Variants in ZNF565 observed in about 807,000 individuals in gnomAD.
ZNF565 encodes the protein zinc finger protein 565.
ZNF565 carries 27 observed loss-of-function variants against 39.4 expected under a neutral mutation model. The ratio of observed to expected loss-of-function variants is 0.69; its 90% CI spans 0.51 to 0.95. ZNF565 has a LOEUF of 0.95. Ranked by LOEUF, ZNF565 falls within the 40% of genes least tolerant of loss-of-function variation. The pLI, the probability that ZNF565 is intolerant of heterozygous loss-of-function variation, is 0.00. For missense variants in ZNF565, 524 were observed against 621.1 expected, an observed-to-expected ratio of 0.84 and a Z score of 1.66; for synonymous variants, 185 against 216.6, an observed-to-expected ratio of 0.85 and a Z score of 1.28.
chr19:36,182,533 C>G lies in ZNF565; in HGVS notation c.1433G>C (p.Arg478Thr). The change falls in exon 5 of 5, where the codon AGA becomes ACA. Residue 478 changes from arginine to threonine, a missense_variant. Physicochemically the swap from Arg to Thr is moderately conservative, Grantham distance 71. Transcript: ENST00000304116. ...AAGAATAAATGCCTGCCCACACTCT[C>G]TACATTCGTAAGGTTTGATACCAGG... ...IHPGIKPYEC[R>T]ECGQAFILGS... The G allele has an allele frequency of 6.2e-7, 1 of 1,610,294 alleles. No homozygotes were observed. The highest frequency in any genetic ancestry group is 8.5e-7 in the Non-Finnish European group (1 of 1,178,058).
Position 36,183,679 on chromosome 19 carries a change from G to A in ZNF565, c.287C>T (p.Ala96Val). The change falls in exon 5 of 5, where the codon GCA (alanine) becomes GTA (valine). Residue 96 changes from alanine (A) to valine (V), a missense_variant. Coordinates refer to ENST00000304116, the MANE Select transcript of ZNF565 (RefSeq NM_152477.5). ...GCTTTCCATTATCTCCCAGTTGAAT[G>A]CCCCGATTTCAAAAATGTCTTTTTG... The part of the protein sequence containing the change: ...FLQKDIFEIG[A>V]FNWEIMESLK... 3 of 1,613,020 alleles carry A rather than the reference G, an allele frequency of 1.9e-6. No individual in the cohort carries two copies. Among genetic ancestry groups the A allele is most frequent in the Non-Finnish European group, 2.5e-6 (3 of 1,179,460 alleles).
At chr19:36,235,274 C>A (rs1977604632) in intron 1 of ZNF565, among the ~76,000 whole-genome samples, 1 of 151,206 alleles carries the variant, frequency 6.6e-6, no homozygotes, top group Admixed American at 6.6e-5. Flanking sequence ...GGTAGACTTT[C>A]TAATTTTCAT....
chr19:36,243,710 T>A (rs1977835547), intron 1 of ZNF565, among the ~76,000 whole-genome samples: 1 of 152,030 alleles, frequency 6.6e-6, no homozygotes, highest in Non-Finnish European at 1.5e-5. Context: ...GGGTTCTTTT[T>A]TTTAATTGAG....
intron 1 of ZNF565, among the ~76,000 whole-genome samples, chr19:36,232,609 C>CTTTTTTTTTTTTTTT (rs548903056): frequency 7.1e-6 from 1 of 140,068 alleles, no homozygotes; most frequent in Non-Finnish European, 1.5e-5. Context: ...TTTCTTTTTT[C>CTTTTTTTTTTTTTTT]TTTTTTTTTT....
chr19:36,245,791 C>T lies in ZNF565; in HGVS notation c.-261G>A, dbSNP rs1219612726. On this transcript the variant is annotated 5_prime_UTR_variant, in exon 1 of 5. Transcript: ENST00000355114. This position sits in a 1 kb window ranked among gnomAD's most constrained non-coding sequence, Gnocchi z 4.4. ...TTCTTGGAGGGCTCGGTGCCGGAGGCTACTCTTGAGTCCCGGTTCCTTCGC... is the reference window on the plus strand; with the variant it reads ...TTCTTGGAGGGCTCGGTGCCGGAGGTTACTCTTGAGTCCCGGTTCCTTCGC... The T allele has an allele frequency of 1.0e-5, 5 of 479,964 alleles. No individual in the cohort carries two copies. The Admixed American group carries it at 1.9e-4, about 18-fold the overall frequency. 29.7% of individuals were successfully genotyped at this position (479,964 alleles called of 1,614,324 possible).
chr19:36,240,458 G>A (rs1002387477), intron 1 of ZNF565, among the ~76,000 whole-genome samples: 2 of 152,200 alleles, frequency 1.3e-5, no homozygotes, highest in African/African-American at 2.4e-5. Flanking sequence ...GATGGAGACA[G>A]ATCAGTGGGA....
At chr19:36,188,095 G>A (rs1481304902) in intron 4 of ZNF565, among the ~76,000 whole-genome samples, 1 of 151,018 alleles carries the variant, frequency 6.6e-6, no homozygotes, top group Non-Finnish European at 1.5e-5. Flanking sequence ...AGTGGCTCAC[G>A]CCTGTAATCC....
intron 4 of ZNF565, among the ~76,000 whole-genome samples, chr19:36,189,218 G>A (rs1184778131): frequency 1.3e-5 from 2 of 152,062 alleles, no homozygotes; most frequent in African/African-American, 4.8e-5. Flanking sequence ...GAAACTGGGA[G>A]GCAGAGGTTG....
At chr19:36,195,307 C>CTTGTTAA in intron 2 of ZNF565, 151 bp from the exon 3 acceptor site, 2 of 889,276 alleles carry the variant, frequency 2.2e-6, no homozygotes, top group Non-Finnish European at 3.4e-6. Flanking sequence ...CAAGGTGTAC[C>CTTGTTAA]CTGTTTTATC....
At chr19:36,212,336 G>A (rs963851113) in intron 1 of ZNF565, among the ~76,000 whole-genome samples, 3 of 152,192 alleles carry the variant, frequency 2.0e-5, no homozygotes, top group African/African-American at 7.2e-5. Flanking sequence ...ATGGAGACCA[G>A]ACATGGTGGT....
upstream of ZNF565, among the ~76,000 whole-genome samples, chr19:36,215,615 A>G (rs1976568386): frequency 6.6e-6 from 1 of 152,166 alleles, no homozygotes; most frequent in South Asian, 2.1e-4. Context: ...GTTTTTATAT[A>G]AAAGCATTTC....
intron 1 of ZNF565, chr19:36,237,314 C>CA: frequency 6.3e-7 from 1 of 1,595,702 alleles, no homozygotes; most frequent in Non-Finnish European, 8.5e-7. Flanking sequence ...AATTCATACT[C>CA]ACTAAAAACC....
intron 1 of ZNF565, among the ~76,000 whole-genome samples, chr19:36,206,744 A>G (rs1056123680): frequency 3.3e-5 from 5 of 152,050 alleles, no homozygotes; most frequent in African/African-American, 4.8e-5. Context: ...AGGTGAGAGA[A>G]TCACTTGAAC....
intron 4 of ZNF565, among the ~76,000 whole-genome samples, chr19:36,192,178 G>A (rs990548190): frequency 4.0e-5 from 6 of 151,686 alleles, no homozygotes; most frequent in East Asian, 3.9e-4. Context: ...CAGTAGAGAC[G>A]GGGTTTCACC....
intron 1 of ZNF565, among the ~76,000 whole-genome samples, chr19:36,230,214 G>A (rs1977267584): frequency 6.6e-6 from 1 of 152,174 alleles, no homozygotes. Context: ...TAAGCACATT[G>A]CTCTCAAAAG....
chr19:36,227,782 C>T (rs1467760684), intron 1 of ZNF565, among the ~76,000 whole-genome samples: 1 of 152,148 alleles, frequency 6.6e-6, no homozygotes, highest in Non-Finnish European at 1.5e-5. Flanking sequence ...TGAACTCCTG[C>T]ACTCAAAACG....
At chr19:36,192,815 T>G (rs548463175) in intron 4 of ZNF565, among the ~76,000 whole-genome samples, 2 of 151,720 alleles carry the variant, frequency 1.3e-5, no homozygotes, top group South Asian at 4.2e-4. Flanking sequence ...AAAATGGTTT[T>G]TTTTTTGGTT....
At chr19:36,185,404 ACT>A (rs1975255098) in intron 4 of ZNF565, among the ~76,000 whole-genome samples, 2 of 146,366 alleles carry the variant, frequency 1.4e-5, no homozygotes, top group East Asian at 2.0e-4. Flanking sequence ...ACAGAGCGAA[ACT>A]CTGTCTCAAA....
chr19:36,231,174 C>T (rs1385088390), intron 1 of ZNF565, among the ~76,000 whole-genome samples: 2 of 152,100 alleles, frequency 1.3e-5, no homozygotes, highest in African/African-American at 4.8e-5. Context: ...ACCAGCCTGA[C>T]CAACATGGAG....
Sources: gnomAD v4.1 joint callset for allele counts (sites outside exome capture counted in the v4.1 genomes callset) on GRCh38, gnomAD v4.1.1 for gene constraint, Gnocchi (gnomAD v3.1) non-coding constraint, MANE v1.5 for transcripts, NCBI Gene and HGNC (gene_info 2026-07-23, HGNC 2026-07-21) for gene names.